Variants in RMDN1 observed in about 807,000 individuals in gnomAD.
RMDN1 encodes the protein regulator of microtubule dynamics 1.
In RMDN1, 48 loss-of-function variants were observed where a neutral mutation model predicts 48.9. The observed-to-expected ratio is 0.98, with a 90% CI of 0.78 to 1.25. The LOEUF (loss-of-function observed/expected upper bound fraction) is 1.25, where lower values mean the gene tolerates loss of function less well. Ranked by LOEUF, RMDN1 falls within the 50% of genes most tolerant of loss-of-function variation. RMDN1 has a pLI of 0.00. For synonymous variants in RMDN1, 148 were observed against 132.6 expected, an observed-to-expected ratio of 1.12 and a Z score of -0.80; for missense variants, 418 against 373.4, an observed-to-expected ratio of 1.12 and a Z score of -0.98.
intron 2 of RMDN1, among the ~76,000 whole-genome samples, chr8:86,489,312 A>G (rs1816038435): frequency 6.6e-6 from 1 of 152,220 alleles, no homozygotes; most frequent in African/African-American, 2.4e-5. Flanking sequence ...ACTAATTTAT[A>G]TATGACTACA....
chr8:86,509,389 T>G (rs1819919947), upstream of RMDN1, among the ~76,000 whole-genome samples: 1 of 152,168 alleles, frequency 6.6e-6, no homozygotes, highest in South Asian at 2.1e-4. Flanking sequence ...AAATAAAATT[T>G]CTTGCTCGAG....
At chr8:86,498,679 G>A (rs1270887987) in intron 2 of RMDN1, among the ~76,000 whole-genome samples, 1 of 152,166 alleles carries the variant, frequency 6.6e-6, no homozygotes, top group African/African-American at 2.4e-5. Context: ...CACTCAGGAG[G>A]TGGAAGTGGG....
At chr8:86,503,953 G>A in intron 2 of RMDN1, 1 of 758,536 alleles carries the variant, frequency 1.3e-6, no homozygotes. Context: ...GGGCTGCTTG[G>A]TTATTGGCCT....
chr8:86,474,087 CTCT>C lies in RMDN1; in HGVS notation c.*218_*220del, dbSNP rs1419428968. ...GCTGGTATCCAGGATGCAAAATAAT[CTCT>C]TTGCCTGAGCCATGGAGATTTATTT... is the stretch of plus-strand genomic sequence containing the variant. On this transcript the variant is annotated 3_prime_UTR_variant, in exon 10 of 10. Transcript: ENST00000406452. 7.9e-7 allele frequency: 1 copy of C among 1,272,264 alleles called. No individual in the cohort carries two copies. The allele number at this position is 1,272,264 out of a possible 1,614,324, so 78.8% of individuals were successfully genotyped here.
chr8:86,481,988 T>G, intron 5 of RMDN1: 1 of 848,620 alleles, frequency 1.2e-6, no homozygotes, highest in Non-Finnish European at 2.0e-6. Flanking sequence ...GTGGAAATGG[T>G]GTCCAGGAGT....
intron 2 of RMDN1, among the ~76,000 whole-genome samples, chr8:86,505,724 T>G (rs571147028): frequency 6.6e-6 from 1 of 152,258 alleles, no homozygotes; most frequent in South Asian, 2.1e-4. Context: ...AAAGAGAGGT[T>G]ATACAGTAGA....
chr8:86,501,901 C>T (rs1179519567), intron 2 of RMDN1, among the ~76,000 whole-genome samples: 2 of 151,088 alleles, frequency 1.3e-5, no homozygotes, highest in Non-Finnish European at 2.9e-5. Context: ...TCTGCTTTGT[C>T]CTTCTTCATA....
chr8:86,471,282 A>G (rs1812539479), downstream of RMDN1, among the ~76,000 whole-genome samples: 2 of 152,018 alleles, frequency 1.3e-5, no homozygotes, highest in Admixed American at 1.3e-4. Flanking sequence ...ATCTCACAAA[A>G]AACAAACAAC....
downstream of RMDN1, among the ~76,000 whole-genome samples, chr8:86,470,892 G>A (rs1187713516): frequency 6.6e-6 from 1 of 152,176 alleles, no homozygotes; most frequent in African/African-American, 2.4e-5. Flanking sequence ...GTAGATGGGT[G>A]TGACTGTAAA....
At chr8:86,482,686 A>G (rs2130746178) in intron 5 of RMDN1, 1 of 941,304 alleles carries the variant, frequency 1.1e-6, no homozygotes, top group Admixed American at 1.7e-5. Flanking sequence ...TATGGAGTTC[A>G]TGATCAAGGG....
chr8:86,512,201 T>C (rs1286125861), upstream of RMDN1, among the ~76,000 whole-genome samples: 1 of 152,222 alleles, frequency 6.6e-6, no homozygotes, highest in East Asian at 1.9e-4. Context: ...CCTCTACTCT[T>C]TCCCTATTTT....
chr8:86,499,814 C>T (rs535593429), intron 2 of RMDN1, among the ~76,000 whole-genome samples: 11 of 152,116 alleles, frequency 7.2e-5, no homozygotes, highest in Non-Finnish European at 1.2e-4. Context: ...GTAACCCAAA[C>T]GGCATTATAC....
downstream of RMDN1, among the ~76,000 whole-genome samples, chr8:86,469,202 C>T (rs1310043049): frequency 6.7e-6 from 1 of 149,020 alleles, no homozygotes; most frequent in Non-Finnish European, 1.5e-5. Context: ...CCATGTACTT[C>T]CCAAGTAGTT....
intron 5 of RMDN1, 62 bp downstream of exon 5, chr8:86,484,810 C>A (rs1815189892): frequency 1.3e-5 from 14 of 1,053,626 alleles, no homozygotes; most frequent in South Asian, 4.5e-5. Flanking sequence ...ATAATGAAAA[C>A]AAAAATCTAT....
downstream of RMDN1, among the ~76,000 whole-genome samples, chr8:86,469,168 TTTTG>T (rs924034400): frequency 2.7e-4 from 39 of 144,196 alleles, 1 homozygote; most frequent in Admixed American, 7.0e-4. Flanking sequence ...CCAGTGTTTT[TTTTG>T]TTTGTTTGTC....
chr8:86,501,594 G>A (rs1818232035), intron 2 of RMDN1, among the ~76,000 whole-genome samples: 1 of 151,926 alleles, frequency 6.6e-6, no homozygotes, highest in African/African-American at 2.4e-5. Flanking sequence ...AATCACCCGG[G>A]CCCGGGGAGG....
At chr8:86,470,393 A>C, downstream of RMDN1, 1 of 1,285,592 alleles carries the variant, frequency 7.8e-7, no homozygotes, top group Non-Finnish European at 1.0e-6. Flanking sequence ...CCAATGTGAC[A>C]CGTGGGGAAT....
chr8:86,497,699 TC>T, intron 2 of RMDN1, among the ~76,000 whole-genome samples: 1 of 96,686 alleles, frequency 1.0e-5, no homozygotes, highest in African/African-American at 4.1e-5. Flanking sequence ...AGACACTATC[TC>T]AAAAAAAAAA....
At position 86,492,684 on chromosome 8, in the gene RMDN1, AT is replaced by A. The variant is rs1481890393; in HGVS notation, c.248-4046del. ...AATAATAATAATAATAATAATAATA[AT>A]AATAAAGAGATAATGAAACGTTCCC... is the stretch of plus-strand genomic sequence containing the variant. On this transcript the variant is annotated intron_variant, in intron 2 of 9. Transcript: ENST00000406452. Among the ~76,000 whole-genome samples the A allele has an allele frequency of 7.7e-4, 102 of 131,924 alleles. 1 individual carries two copies. Among genetic ancestry groups the A allele is most frequent in the African/African-American group, 1.3e-3 (51 of 39,760 alleles). 86.5% of individuals were successfully genotyped at this position (131,924 alleles called of 152,430 possible). A position where few individuals can be genotyped will look rare whatever the true frequency, so the allele number is the denominator to read the frequency against.
Sources: gnomAD v4.1 joint callset for allele counts (sites outside exome capture counted in the v4.1 genomes callset) on GRCh38, gnomAD v4.1.1 for gene constraint, MANE v1.5 for transcripts, NCBI Gene and HGNC (gene_info 2026-07-23, HGNC 2026-07-21) for gene names.